The following ST3GAL5 variants were observed in gnomAD, a reference collection of about 807,000 sequenced individuals.
The protein encoded by ST3GAL5 is ST3 beta-galactoside alpha-2,3-sialyltransferase 5, also known as lactosylceramide alpha-2,3-sialyltransferase.
ST3GAL5 carries 25 observed loss-of-function variants against 46.1 expected under a neutral mutation model. The ratio of observed to expected loss-of-function variants is 0.54; its 90% confidence interval spans 0.40 to 0.76. The LOEUF (loss-of-function observed/expected upper bound fraction) is 0.76, where lower values mean the gene tolerates loss of function less well. Ranked by LOEUF, ST3GAL5 falls within the 30% of genes least tolerant of loss-of-function variation. The pLI, the probability that ST3GAL5 is intolerant of heterozygous loss-of-function variation, is 0.00. For missense variants in ST3GAL5, 431 were observed against 521.2 expected, an observed-to-expected ratio of 0.83 and a Z score of 1.69; for synonymous variants, 182 against 192.7, an observed-to-expected ratio of 0.94 and a Z score of 0.46.
chr2:85,873,835 T>G (rs562162825), intron 1 of ST3GAL5, among the ~76,000 whole-genome samples: 1 of 152,302 alleles, frequency 6.6e-6, no homozygotes, highest in African/African-American at 2.4e-5. Flanking sequence ...AGCATACAGA[T>G]TCCCACACTT....
At chr2:85,878,072 A>C (rs77117392) in intron 1 of ST3GAL5, among the ~76,000 whole-genome samples, 5,798 of 152,166 alleles carry the variant, frequency 0.038, 376 homozygotes, top group African/African-American at 0.13. Context: ...CCAATGCCTG[A>C]TTTTCCAAGG....
At chr2:85,873,621 A>G (rs1686193742) in intron 1 of ST3GAL5, among the ~76,000 whole-genome samples, 2 of 152,044 alleles carry the variant, frequency 1.3e-5, no homozygotes, top group Non-Finnish European at 2.9e-5. Flanking sequence ...CTCTGTAGAG[A>G]GAGGCCATGA....
chr2:85,861,093 A>G (rs551118789), intron 3 of ST3GAL5, 88 bp downstream of exon 3: 8 of 962,266 alleles, frequency 8.3e-6, no homozygotes, highest in South Asian at 7.9e-5. Flanking sequence ...ATTAACATAT[A>G]TTTGTCACAC....
At chr2:85,860,934 T>C (rs957491452) in intron 3 of ST3GAL5, 1 of 495,876 alleles carries the variant, frequency 2.0e-6, no homozygotes, top group Non-Finnish European at 3.7e-6. Context: ...CTAGAGCCTG[T>C]TGGGTTGAGC....
At chr2:85,867,730 A>C in intron 1 of ST3GAL5, 1 of 759,428 alleles carries the variant, frequency 1.3e-6, no homozygotes. Flanking sequence ...TAGGACATTG[A>C]CATCCAACCC....
chr2:85,846,282 C>T, intron 5 of ST3GAL5, 95 bp downstream of exon 5: 1 of 1,131,364 alleles, frequency 8.8e-7, no homozygotes, highest in Non-Finnish European at 1.3e-6. Context: ...ATGCATTCCG[C>T]TCTGCGTGTT....
At chr2:85,859,718 T>C (rs1369206919) in intron 3 of ST3GAL5, among the ~76,000 whole-genome samples, 1 of 152,220 alleles carries the variant, frequency 6.6e-6, no homozygotes, top group East Asian at 1.9e-4. Context: ...CTTCAAAGGA[T>C]GTACAAATTA....
rs1448224043 is a variant in ST3GAL5, at chr2:85,839,810, T to C, written c.*334A>G. The C allele has an allele frequency of 5.6e-6, 2 of 359,874 alleles. No homozygotes were observed. The highest frequency in any genetic ancestry group is 1.4e-4 in the East Asian group (2 of 13,874). 22.3% of individuals were successfully genotyped at this position (359,874 alleles called of 1,614,324 possible). A position where few individuals can be genotyped will look rare whatever the true frequency, so the allele number is the denominator to read the frequency against. ...CTCTCCTTCCAATTAGTTACCTGTA[T>C]TCAATGTGCAGTGTAAACGAGCAGA... On this transcript the variant is annotated 3_prime_UTR_variant, in exon 7 of 7. Coordinates refer to ENST00000638572, the MANE Select transcript of ST3GAL5 (RefSeq NM_003896.4).
chr2:85,870,135 G>T, intron 1 of ST3GAL5: 1 of 460,018 alleles, frequency 2.2e-6, no homozygotes. Context: ...CACTAATCAT[G>T]AGACATGTGA....
At chr2:85,860,176 A>G (rs1462860553) in intron 3 of ST3GAL5, among the ~76,000 whole-genome samples, 1 of 152,198 alleles carries the variant, frequency 6.6e-6, no homozygotes, top group African/African-American at 2.4e-5. Flanking sequence ...TTACTAATAC[A>G]CTTTTAGAAC....
intron 1 of ST3GAL5, among the ~76,000 whole-genome samples, chr2:85,877,908 G>C (rs1348571988): frequency 1.3e-5 from 2 of 152,088 alleles, no homozygotes; most frequent in African/African-American, 2.4e-5. Context: ...ATTTTCTTTT[G>C]AGAATACAGT....
rs531229046 is a variant in ST3GAL5 at position 85,840,004 on chromosome 2, T to A, written c.*140A>T. On this transcript the variant is annotated 3_prime_UTR_variant, in exon 7 of 7. Transcript: ENST00000638572. ...AAAAAAAAAGTGGGAAGAGCTAAAA[T>A]TTTTTTTGTGTTTTTAAATTAAAAG... The A allele has an allele frequency of 1.2e-4, 156 of 1,321,584 alleles. 1 individual carries two copies. Among genetic ancestry groups the A allele is most frequent in the South Asian group, 6.2e-4 (46 of 73,664 alleles). 81.9% of individuals were successfully genotyped at this position (1,321,584 alleles called of 1,614,324 possible).
chr2:85,844,774 A>G, intron 5 of ST3GAL5: 1 of 605,870 alleles, frequency 1.7e-6, no homozygotes, highest in Non-Finnish European at 2.9e-6. Context: ...GCACTGGACA[A>G]AGAGATGAAT....
intron 2 of ST3GAL5, among the ~76,000 whole-genome samples, 159 bp from the exon 3 acceptor site, chr2:85,861,451 A>T (rs1203928663): frequency 1.3e-5 from 2 of 152,158 alleles, no homozygotes; most frequent in East Asian, 3.9e-4. Flanking sequence ...GCCATTTCCT[A>T]TTTTCCTGAC....
chr2:85,849,158 G>A, intron 3 of ST3GAL5: 1 of 152,406 alleles, frequency 6.6e-6, no homozygotes, highest in Non-Finnish European at 1.5e-5. Context: ...TGAGAGGGTT[G>A]CTTGAGCCCA....
intron 3 of ST3GAL5, chr2:85,853,953 A>C (rs562422024): frequency 1.3e-5 from 2 of 152,184 alleles, no homozygotes; most frequent in Non-Finnish European, 2.9e-5. Context: ...CCTACTTAAA[A>C]AAATTCTCTA....
chr2:85,862,370 G>A (rs551230773), intron 2 of ST3GAL5, among the ~76,000 whole-genome samples: 1 of 152,250 alleles, frequency 6.6e-6, no homozygotes, highest in South Asian at 2.1e-4. Flanking sequence ...GCAGGGATGA[G>A]AAGGTGTTTC....
At chr2:85,884,321 T>C (rs1687520929) in intron 1 of ST3GAL5, among the ~76,000 whole-genome samples, 1 of 152,198 alleles carries the variant, frequency 6.6e-6, no homozygotes, top group Non-Finnish European at 1.5e-5. Context: ...GTGAATTTAC[T>C]GTGAAAAGCA....
At chr2:85,878,991 C>T (rs930601086) in intron 1 of ST3GAL5, among the ~76,000 whole-genome samples, 3 of 152,030 alleles carry the variant, frequency 2.0e-5, no homozygotes, top group African/African-American at 7.2e-5. Flanking sequence ...GGTGTGTGCT[C>T]GGGCCAGATT....
Sources: gnomAD v4.1 joint callset for allele counts (sites outside exome capture counted in the v4.1 genomes callset) on GRCh38, gnomAD v4.1.1 for gene constraint, MANE v1.5 for transcripts, NCBI Gene and HGNC (gene_info 2026-07-23, HGNC 2026-07-21) for gene names.